The following SH3RF3 variants were observed in gnomAD, a reference collection of about 807,000 sequenced individuals.
SH3RF3 encodes the protein E3 ubiquitin-protein ligase SH3RF3.
SH3RF3 carries 29 observed loss-of-function variants against 66.3 expected under a neutral mutation model. The ratio of observed to expected loss-of-function variants is 0.44; its 90% CI spans 0.33 to 0.60. SH3RF3 has a LOEUF of 0.60. Ranked by LOEUF, SH3RF3 falls within the 20% of genes least tolerant of loss-of-function variation. The pLI is 0.04. For synonymous variants in SH3RF3, 583 were observed against 532.0 expected (o/e 1.10, Z -1.32); for missense variants, 1,194 against 1,190.9 (o/e 1.00, Z -0.04).
At chr2:109,498,113 G>T (rs373321791) in intron 9 of SH3RF3, among the ~76,000 whole-genome samples, 4 of 152,276 alleles carry the variant, frequency 2.6e-5, no homozygotes, top group African/African-American at 9.6e-5. Context: ...TCACAGAGAC[G>T]CTGAGCTGGG....
intron 1 of SH3RF3, among the ~76,000 whole-genome samples, chr2:109,146,885 T>TCCCCCCC (rs570589119): frequency 1.4e-4 from 2 of 14,404 alleles, no homozygotes; most frequent in African/African-American, 4.8e-4. Flanking sequence ...CTTTTTTCCC[T>TCCCCCCC]CCCCCCCCCC....
At chr2:109,413,359 T>C (rs1676643601) in intron 4 of SH3RF3, among the ~76,000 whole-genome samples, 1 of 152,154 alleles carries the variant, frequency 6.6e-6, no homozygotes, top group Non-Finnish European at 1.5e-5. Flanking sequence ...GGTGATCTGC[T>C]TGCCTTGGCC....
chr2:109,470,612 C>T (rs1371756253), intron 8 of SH3RF3, among the ~76,000 whole-genome samples: 1 of 152,250 alleles, frequency 6.6e-6, no homozygotes. Flanking sequence ...CAGGCAGTTA[C>T]ACCAAGCTCC....
intron 1 of SH3RF3, among the ~76,000 whole-genome samples, chr2:109,208,663 T>C: frequency 6.7e-6 from 1 of 149,552 alleles, no homozygotes; most frequent in East Asian, 2.0e-4. Flanking sequence ...GCAAGTTTGT[T>C]ATGTAACAAT....
intron 9 of SH3RF3, among the ~76,000 whole-genome samples, chr2:109,492,745 A>C (rs902911122): frequency 2.0e-5 from 3 of 152,108 alleles, no homozygotes; most frequent in Non-Finnish European, 4.4e-5. Flanking sequence ...CCACGCCCTG[A>C]GCTACCTCTC....
intron 1 of SH3RF3, among the ~76,000 whole-genome samples, chr2:109,279,389 G>A (rs934835227): frequency 6.6e-6 from 1 of 152,248 alleles, no homozygotes; most frequent in Admixed American, 6.5e-5. Context: ...TTGCATGGAA[G>A]TTGCATCACC....
intron 7 of SH3RF3, among the ~76,000 whole-genome samples, chr2:109,441,817 T>C (rs1677571636): frequency 6.6e-6 from 1 of 151,812 alleles, no homozygotes; most frequent in Non-Finnish European, 1.5e-5. Flanking sequence ...AAAGATACAT[T>C]ACATGAAATA....
At chr2:109,311,863 G>GC (rs11445209) in intron 1 of SH3RF3, among the ~76,000 whole-genome samples, 47,386 of 151,958 alleles carry the variant, frequency 0.31, 9,149 homozygotes, top group African/African-American at 0.55. Context: ...TTTAATTAAA[G>GC]TTTGAAGTTG....
At chr2:109,429,955 C>A (rs1677147516) in intron 5 of SH3RF3, among the ~76,000 whole-genome samples, 1 of 152,202 alleles carries the variant, frequency 6.6e-6, no homozygotes, top group Non-Finnish European at 1.5e-5. Flanking sequence ...ATCCACGGAA[C>A]AAGGCCTCCA....
At chr2:109,348,004 AG>A (rs1682756376) in intron 2 of SH3RF3, 55 bp downstream of exon 2, 5 of 1,539,268 alleles carry the variant, frequency 3.2e-6, no homozygotes, top group Admixed American at 2.0e-5. Context: ...TGTGCCACCC[AG>A]GGCTCTTCCC....
intron 1 of SH3RF3, among the ~76,000 whole-genome samples, chr2:109,212,857 G>A (rs1201784224): frequency 1.3e-5 from 2 of 152,284 alleles, no homozygotes; most frequent in South Asian, 2.1e-4. Flanking sequence ...ACCAGGCTGG[G>A]CACTGGAAGA....
At chr2:109,288,417 G>C (rs2105359782) in intron 1 of SH3RF3, among the ~76,000 whole-genome samples, 1 of 152,306 alleles carries the variant, frequency 6.6e-6, no homozygotes, top group East Asian at 1.9e-4. Context: ...ATTTGAATGT[G>C]GATATGCCAG....
intron 1 of SH3RF3, among the ~76,000 whole-genome samples, chr2:109,223,370 C>A (rs1229014875): frequency 1.3e-5 from 2 of 152,178 alleles, no homozygotes; most frequent in Non-Finnish European, 2.9e-5. Flanking sequence ...CCCGAAGAAG[C>A]AGGAGTGGCC....
At chr2:109,392,801 C>T (rs1451355261) in intron 3 of SH3RF3, among the ~76,000 whole-genome samples, 1 of 152,194 alleles carries the variant, frequency 6.6e-6, no homozygotes, top group Non-Finnish European at 1.5e-5. Flanking sequence ...AGGCGTCAGC[C>T]ACCACGCACG....
chr2:109,228,596 A>G (rs900510253), intron 1 of SH3RF3, among the ~76,000 whole-genome samples: 20 of 152,146 alleles, frequency 1.3e-4, no homozygotes, highest in African/African-American at 4.6e-4. Context: ...TTCACTTCAG[A>G]GGCCAGTTGC....
chr2:109,381,616 T>A (rs1675674050), intron 3 of SH3RF3, among the ~76,000 whole-genome samples: 2 of 151,990 alleles, frequency 1.3e-5, no homozygotes, highest in East Asian at 3.9e-4. Flanking sequence ...TTGAGTAAGT[T>A]AGGCTGTGGC....
At chr2:109,390,540 G>C (rs1226904095) in intron 3 of SH3RF3, among the ~76,000 whole-genome samples, 1 of 152,198 alleles carries the variant, frequency 6.6e-6, no homozygotes, top group African/African-American at 2.4e-5. Flanking sequence ...AATATCAAGA[G>C]GTTAAACTCG....
At chr2:109,297,688 A>G (rs1466357955) in intron 1 of SH3RF3, among the ~76,000 whole-genome samples, 2 of 147,048 alleles carry the variant, frequency 1.4e-5, no homozygotes, top group Admixed American at 6.7e-5. Flanking sequence ...CACTGGGCCA[A>G]TGCCCCCCAT....
chr2:109,448,237 T>C (rs1176441468), intron 7 of SH3RF3, among the ~76,000 whole-genome samples: 1 of 152,228 alleles, frequency 6.6e-6, no homozygotes, highest in Non-Finnish European at 1.5e-5. Flanking sequence ...GCTTTATGTT[T>C]ATGAGCATTT....
Sources: gnomAD v4.1 joint callset for allele counts (sites outside exome capture counted in the v4.1 genomes callset) on GRCh38, gnomAD v4.1.1 for gene constraint, MANE v1.5 for transcripts, NCBI Gene and HGNC (gene_info 2026-07-23, HGNC 2026-07-21) for gene names.